Variants in ZNF23 observed in about 807,000 individuals in gnomAD.
ZNF23 encodes kruppel-like zinc finger factor X31.
Under a neutral mutation model 56.2 loss-of-function variants are expected in ZNF23, and 48 were observed. The observed-to-expected ratio is 0.85, with a 90% confidence interval of 0.68 to 1.09. The LOEUF is 1.09. Ranked by LOEUF, ZNF23 falls within the 50% of genes least tolerant of loss-of-function variation. ZNF23 has a pLI of 0.00. For synonymous variants in ZNF23, 266 were observed against 283.3 expected (o/e 0.94, Z 0.61); for missense variants, 805 against 811.4 (o/e 0.99, Z 0.10).
At chr16:71,459,311 G>A (rs55697235) in intron 1 of ZNF23, among the ~76,000 whole-genome samples, 4,370 of 152,318 alleles carry the variant, frequency 0.029, 99 homozygotes, top group Middle Eastern at 0.048. Flanking sequence ...ATCCCCCAGC[G>A]GGGCAGCCTT....
intron 1 of ZNF23, among the ~76,000 whole-genome samples, chr16:71,460,647 A>G (rs1645454958): frequency 6.6e-6 from 1 of 152,248 alleles, no homozygotes; most frequent in African/African-American, 2.4e-5. Context: ...ATAGACTCCA[A>G]TAGTTCATTA....
chr16:71,455,996 A>G, intron 2 of ZNF23: 1 of 456,530 alleles, frequency 2.2e-6, no homozygotes, highest in South Asian at 1.5e-5. Flanking sequence ...ACGACCATAC[A>G]AAGGGCTTAG....
chr16:71,450,982 G>T, intron 4 of ZNF23: 1 of 174,552 alleles, frequency 5.7e-6, no homozygotes, highest in South Asian at 1.0e-4. Context: ...TCTTTCCTTA[G>T]AACATTAACT....
At chr16:71,453,563 T>C (rs1328932475) in intron 3 of ZNF23, 12 of 523,820 alleles carry the variant, frequency 2.3e-5, no homozygotes, top group Non-Finnish European at 3.4e-5. Flanking sequence ...AATGTGGGGG[T>C]TGGGGGTGAA....
rs1263029330 is a variant in ZNF23 at position 71,449,868 on chromosome 16, T to C, written c.286A>G (p.Asn96Asp). Residue 96 changes from asparagine to aspartate, a missense_variant, in exon 5 of 5, where the codon AAT becomes GAT. Coordinates refer to ENST00000647773, the MANE Select transcript of ZNF23 (RefSeq NM_001381984.1). ...GLQTVDIQTDNDLTKEMYEGK... is the reference protein window; with the variant it reads ...GLQTVDIQTDDDLTKEMYEGK... ...TCATACATTTCCTTTGTCAAATCAT[T>C]GTCAGTCTGAATATCTACTATAAAA... 1.9e-6 allele frequency: 3 copies of C among 1,603,322 alleles called. No individual in the cohort carries two copies. The highest frequency in any genetic ancestry group is 2.5e-6 in the Non-Finnish European group (3 of 1,176,962).
At position 71,453,517 on chromosome 16, in the gene ZNF23, A is replaced by G. The variant is rs112304743; in HGVS notation, c.161-167T>C. 151 of 579,172 alleles carry G rather than the reference A, an allele frequency of 2.6e-4. 1 individual carries two copies. The highest frequency in any genetic ancestry group is 2.5e-3 in the African/African-American group (132 of 53,314). The allele number at this position is 579,172 out of a possible 1,614,324, so 35.9% of individuals were successfully genotyped here. The stretch of plus-strand genomic sequence containing the variant: ...TACTGTGGGGCTTAGGAAGGACTAA[A>G]GAGACCTTGGAGACTTCCAAGGGCT... On this transcript the variant is annotated intron_variant, in intron 3 of 4. Coordinates refer to ENST00000647773, the MANE Select transcript of ZNF23 (RefSeq NM_001381984.1).
At chr16:71,459,381 C>T (rs540422921) in intron 1 of ZNF23, among the ~76,000 whole-genome samples, 1 of 152,372 alleles carries the variant, frequency 6.6e-6, no homozygotes, top group East Asian at 1.9e-4. Flanking sequence ...CCGAGCATAC[C>T]AATGCATCCT....
In ZNF23 at chr16:71,448,856, T is replaced by C. The variant is rs2042944849; in HGVS notation, c.1298A>G (p.Lys433Arg). Residue 433 changes from lysine (K) to arginine (R), a missense_variant, in exon 5 of 5, where the codon AAA (lysine) becomes AGA (arginine). Lys to Arg is a conservative substitution (Grantham distance 26). Coordinates refer to ENST00000647773, the MANE Select transcript of ZNF23 (RefSeq NM_001381984.1). ...IQHQRIHTGEKPYECTECGKA... is the reference protein window; with the variant it reads ...IQHQRIHTGERPYECTECGKA... ...TCCACATTCAGTGCATTCATAGGGT[T>C]TCTCACCTGTGTGGATTCTCTGATG... 1 of 1,614,248 alleles carries C rather than the reference T, an allele frequency of 6.2e-7. No homozygotes were observed. Among genetic ancestry groups the C allele is most frequent in the Non-Finnish European group, 8.5e-7 (1 of 1,180,042 alleles).
chr16:71,454,928 T>C (rs2043173697), intron 2 of ZNF23, among the ~76,000 whole-genome samples: 1 of 152,122 alleles, frequency 6.6e-6, no homozygotes, highest in South Asian at 2.1e-4. Context: ...ACGCTTCGTG[T>C]CACTCCCAGG....
chr16:71,450,652 G>C (rs978424346), intron 4 of ZNF23: 3 of 432,514 alleles, frequency 6.9e-6, no homozygotes, highest in African/African-American at 6.2e-5. Flanking sequence ...CCGGGAAACG[G>C]AAGTTGCGGT....
chr16:71,450,524 G>C (rs2043019499), intron 4 of ZNF23: 1 of 294,260 alleles, frequency 3.4e-6, no homozygotes, highest in East Asian at 1.2e-4. Flanking sequence ...TTTGCAACCA[G>C]CCTGGGCAAC....
chr16:71,454,424 A>G (rs978296044), intron 2 of ZNF23, among the ~76,000 whole-genome samples: 1 of 152,138 alleles, frequency 6.6e-6, no homozygotes, highest in South Asian at 2.1e-4. Context: ...GAAAGAAAAA[A>G]ATTTCCATAA....
At position 71,453,303 on chromosome 16, in the gene ZNF23, T is replaced by C. The variant is rs2070832; in HGVS notation, c.208A>G (p.Ser70Gly). 1,090,730 of 1,604,836 alleles carry C rather than the reference T, an allele frequency of 0.68. 378,785 individuals are homozygous for C. Among genetic ancestry groups the C allele is most frequent in the African/African-American group, 0.94 (70,180 of 74,882 alleles). ...PAVISQLEGG[S>G]ELGGSSPLAA... ...AGTGGAGATGAGCCCCCCAGCTCAC[T>C]TCCTCCCTCCAGTTGTGAGATCACA... The change falls in exon 4 of 5, where the codon AGT becomes GGT. Residue 70 changes from serine (S) to glycine (G), a missense_variant. Transcript: ENST00000647773.
intron 1 of ZNF23, among the ~76,000 whole-genome samples, chr16:71,461,457 T>G (rs1183734948): frequency 1.3e-5 from 2 of 152,180 alleles, no homozygotes; most frequent in Non-Finnish European, 2.9e-5. Flanking sequence ...GTATTTTGAC[T>G]AAATACCATA....
At chr16:71,460,194 G>T (rs13333120) in intron 1 of ZNF23, among the ~76,000 whole-genome samples, 14,849 of 152,182 alleles carry the variant, frequency 0.098, 2,369 homozygotes, top group African/African-American at 0.33. Flanking sequence ...GGGCATCACA[G>T]GTCTCTAAAG....
At chr16:71,450,044 G>A in intron 4 of ZNF23, 159 bp from the exon 5 acceptor site, 1 of 525,504 alleles carries the variant, frequency 1.9e-6, no homozygotes. Flanking sequence ...TAAGTAATTT[G>A]TAACTAACTA....
Position 71,454,092 on chromosome 16 carries a change from G to A in ZNF23, c.110C>T (p.Thr37Ile), listed in dbSNP as rs1205139753. ...EWDGLSPAQR[T>I]LYRDVMLENY... ...CTCCAGCATCACATCCCTGTACAGG[G>A]TCCTCTGTGCAGGGGACAGGCCATC... The change falls in exon 3 of 5, where the codon ACC becomes ATC. Residue 37 changes from threonine to isoleucine, a missense_variant. Transcript: ENST00000647773. 9.3e-6 allele frequency: 15 copies of A among 1,613,930 alleles called. No homozygotes were observed. Among genetic ancestry groups the A allele is most frequent in the Non-Finnish European group, 1.3e-5 (15 of 1,180,008 alleles).
Position 71,449,712 on chromosome 16 carries a change from T to C in ZNF23, c.442A>G (p.Thr148Ala). The C allele has an allele frequency of 6.2e-7, 1 of 1,614,004 alleles. No homozygotes were observed. Among genetic ancestry groups the C allele is most frequent in the Non-Finnish European group, 8.5e-7 (1 of 1,180,032 alleles). The part of the protein sequence containing the change: ...AGNIKKEKSN[T>A]IDGTVKDETS... The stretch of plus-strand genomic sequence containing the variant: ...TCATCTTTCACTGTTCCATCAATGG[T>C]GTTGCTCTTCTCCTTCTTTATATTT... The change falls in exon 5 of 5, where the codon ACC (threonine) becomes GCC (alanine). Residue 148 changes from threonine (T) to alanine (A), a missense_variant. Thr to Ala is a moderately conservative substitution (Grantham distance 58). Transcript: ENST00000647773.
rs1336942277 is a variant in ZNF23, at chr16:71,459,903, T to C, written c.-33+2307A>G. 2.6e-5 allele frequency among the ~76,000 whole-genome samples: 4 copies of C among 152,226 alleles called. No homozygotes were observed. In the East Asian group the frequency reaches 7.7e-4, roughly 29 times the overall value. ...TTTAAAGAGAAAACTTATTCTGTGATGGGAGAATATACAACTCCATTTTTA... is the reference window on the plus strand; with the variant it reads ...TTTAAAGAGAAAACTTATTCTGTGACGGGAGAATATACAACTCCATTTTTA... On this transcript the variant is annotated intron_variant, in intron 1 of 4. Transcript: ENST00000647773.
Sources: gnomAD v4.1 joint callset for allele counts (sites outside exome capture counted in the v4.1 genomes callset) on GRCh38, gnomAD v4.1.1 for gene constraint, MANE v1.5 for transcripts, NCBI Gene and HGNC (gene_info 2026-07-23, HGNC 2026-07-21) for gene names.